Variants in COL4A4 observed in about 807,000 individuals in gnomAD.
The protein encoded by COL4A4 is collagen alpha-4(IV) chain.
COL4A4 carries 105 observed loss-of-function variants against 192.9 expected under a neutral mutation model. The observed-to-expected ratio is 0.54, with a 90% CI of 0.46 to 0.64. The LOEUF (loss-of-function observed/expected upper bound fraction) is 0.64. COL4A4 is among the 30% of genes least tolerant of loss of function. The probability of loss-of-function intolerance (pLI) is 0.00; values close to 1 mark genes in which losing one functional copy is unlikely to be tolerated. For missense variants in COL4A4, 1,967 were observed against 2,169.3 expected (o/e 0.91, Z 1.85); for synonymous variants, 762 against 769.9 (o/e 0.99, Z 0.17).
intron 1 of COL4A4, among the ~76,000 whole-genome samples, chr2:227,149,837 T>C (rs1424198813): frequency 1.3e-5 from 2 of 152,072 alleles, no homozygotes; most frequent in Non-Finnish European, 2.9e-5. Flanking sequence ...AGTTTCTCAG[T>C]ACATTTTAAT....
chr2:226,967,686 T>C, the COL4A4 span, among the ~76,000 whole-genome samples: 134 of 152,200 alleles, frequency 8.8e-4, no homozygotes, highest in Middle Eastern at 3.4e-3. Context: ...CTTGATAAAT[T>C]TTAATTGTTA....
Position 227,109,299 on chromosome 2 carries a change from A to T in COL4A4, c.595-13T>A. On this transcript the variant is annotated splice_polypyrimidine_tract_variant and intron_variant, in intron 9 of 47. Transcript: ENST00000396625. ...CACCCCAAGATCCCTAAACATGAGAAAAATCAGTGCATCTGTTACCCAAAA... is the reference window on the plus strand; with the variant it reads ...CACCCCAAGATCCCTAAACATGAGATAAATCAGTGCATCTGTTACCCAAAA... 1 of 1,611,074 alleles carries T rather than the reference A, an allele frequency of 6.2e-7. No individual in the cohort carries two copies. The highest frequency in any genetic ancestry group is 2.2e-5 in the East Asian group (1 of 44,864).
In COL4A4 at chr2:227,137,140, G is replaced by A. The variant is rs569258888; in HGVS notation, c.192+3021C>T. Among the ~76,000 whole-genome samples, 6 of 152,302 alleles carry A rather than the reference G, an allele frequency of 3.9e-5. No individual in the cohort carries two copies. The South Asian group carries it at 8.3e-4, about 21-fold the overall frequency. ...CAGACACAAAGACACACACAGCAGA[G>A]TGCCGCTCAGGACTGGGAGCCTTCC... On this transcript the variant is annotated intron_variant, in intron 4 of 47. Transcript: ENST00000396625.
chr2:227,104,241 T>A, intron 12 of COL4A4, 189 bp from the exon 13 acceptor site: 1 of 615,544 alleles, frequency 1.6e-6, no homozygotes, highest in Non-Finnish European at 2.9e-6. Flanking sequence ...CACTTATTGT[T>A]AAAAATAAAT....
intron 25 of COL4A4, among the ~76,000 whole-genome samples, chr2:227,067,134 T>A (rs891268619): frequency 6.6e-6 from 1 of 152,162 alleles, no homozygotes; most frequent in African/African-American, 2.4e-5. Flanking sequence ...CATTACATAA[T>A]GGGAAAGGGC....
intron 45 of COL4A4, among the ~76,000 whole-genome samples, chr2:227,011,050 AAG>A (rs1348905500): frequency 6.6e-6 from 1 of 152,106 alleles, no homozygotes; most frequent in Non-Finnish European, 1.5e-5. Flanking sequence ...CCTCTTCGAG[AAG>A]AGAGGGAAAT....
chr2:227,050,026 A>G, intron 34 of COL4A4, 42 bp downstream of exon 34: 4 of 1,562,106 alleles, frequency 2.6e-6, no homozygotes, highest in Non-Finnish European at 3.5e-6. Context: ...AACATTCGGG[A>G]CTATGCATTT....
At chr2:227,081,003 T>C (rs2059295216) in intron 23 of COL4A4, among the ~76,000 whole-genome samples, 1 of 152,148 alleles carries the variant, frequency 6.6e-6, no homozygotes, top group African/African-American at 2.4e-5. Flanking sequence ...TGAAAATCAG[T>C]CTGATGGGAG....
chr2:227,098,632 G>A, intron 19 of COL4A4, 62 bp downstream of exon 19: 1 of 1,226,956 alleles, frequency 8.2e-7, no homozygotes, highest in East Asian at 2.3e-5. Context: ...AAAGCTACTG[G>A]TGCTGATGAT....
At chr2:227,068,389 A>G (rs2058485649) in intron 25 of COL4A4, among the ~76,000 whole-genome samples, 1 of 152,238 alleles carries the variant, frequency 6.6e-6, no homozygotes, top group Non-Finnish European at 1.5e-5. Flanking sequence ...TCATCCTGAT[A>G]CCAAAGCCAG....
At chr2:227,046,806 T>A (rs1428942378) in intron 35 of COL4A4, among the ~76,000 whole-genome samples, 1 of 151,982 alleles carries the variant, frequency 6.6e-6, no homozygotes, top group Non-Finnish European at 1.5e-5. Context: ...CCTTCTGCTG[T>A]GGGTCATCTA....
chr2:226,985,983 A>C, the COL4A4 span, among the ~76,000 whole-genome samples: 1 of 152,272 alleles, frequency 6.6e-6, no homozygotes, highest in African/African-American at 2.4e-5. Flanking sequence ...CTACTTATCT[A>C]AGTGGTCAAG....
intron 35 of COL4A4, 48 bp downstream of exon 35, chr2:227,047,427 A>T: frequency 5.9e-6 from 8 of 1,360,100 alleles, no homozygotes; most frequent in Non-Finnish European, 8.4e-6. Context: ...TCTGCTTTTC[A>T]AACTAAACTA....
At chr2:227,150,826 C>T (rs2063885073) in intron 1 of COL4A4, among the ~76,000 whole-genome samples, 1 of 152,122 alleles carries the variant, frequency 6.6e-6, no homozygotes, top group Non-Finnish European at 1.5e-5. Context: ...CACCTGGTCC[C>T]ACCCTTGACA....
At chr2:227,094,631 G>A (rs559951675) in intron 19 of COL4A4, among the ~76,000 whole-genome samples, 142 of 152,240 alleles carry the variant, frequency 9.3e-4, no homozygotes, top group African/African-American at 3.1e-3. Context: ...ACTGTACAGC[G>A]TGAAAATGAT....
intron 7 of COL4A4, among the ~76,000 whole-genome samples, chr2:227,117,083 C>G (rs1301828984): frequency 6.6e-6 from 1 of 152,088 alleles, no homozygotes; most frequent in Admixed American, 6.5e-5. Context: ...AGTCATGGGA[C>G]AATATTAATT....
intron 25 of COL4A4, among the ~76,000 whole-genome samples, chr2:227,066,232 A>G (rs1358384022): frequency 6.6e-6 from 1 of 152,230 alleles, no homozygotes; most frequent in African/African-American, 2.4e-5. Flanking sequence ...GACCAAATCT[A>G]CATCTGATTG....
the COL4A4 span, among the ~76,000 whole-genome samples, chr2:226,975,578 C>A: frequency 0.43 from 65,481 of 151,856 alleles, 14,199 homozygotes; most frequent in South Asian, 0.52. Context: ...ATGAAATGGG[C>A]AGTTTGGTAC....
intron 25 of COL4A4, among the ~76,000 whole-genome samples, chr2:227,065,680 A>C (rs887012975): frequency 6.6e-6 from 1 of 151,752 alleles, no homozygotes; most frequent in East Asian, 2.0e-4. Flanking sequence ...TGTTAGAAGG[A>C]AAACTAACAA....
Sources: allele counts gnomAD v4.1 joint callset (sites outside exome capture counted in the v4.1 genomes callset), GRCh38; gene constraint gnomAD v4.1.1; transcripts MANE v1.5; gene names NCBI Gene and HGNC (gene_info 2026-07-23, HGNC 2026-07-21).